The following MB21D2 variants were observed in gnomAD, a reference collection of about 807,000 sequenced individuals.
MB21D2 encodes the protein Mab-21 domain containing 2.
In MB21D2, 9 loss-of-function variants were observed where a neutral mutation model predicts 33.3. That is an observed-to-expected ratio of 0.27 (90% CI 0.16 to 0.47). MB21D2 has a LOEUF of 0.47. Among genes scored for constraint, MB21D2 ranks in the 20% least tolerant of loss-of-function variants. The pLI, the probability that MB21D2 is intolerant of heterozygous loss-of-function variation, is 0.99. For missense variants in MB21D2, 540 were observed against 624.6 expected (o/e 0.86, Z 1.44); for synonymous variants, 241 against 236.3 (o/e 1.02, Z -0.18).
rs570135340 is a variant in MB21D2, at chr3:192,912,605, A to G, written c.211+5025T>C. On this transcript the variant is annotated intron_variant, in intron 1 of 1. Coordinates refer to ENST00000392452, the MANE Select transcript of MB21D2 (RefSeq NM_178496.4). ...GGAGAATCACTTGAACCCAGGAGGC[A>G]GAGGTTGCAGTGAGCCAAGATCATG... Among the ~76,000 whole-genome samples the G allele has an allele frequency of 1.0e-3, 157 of 152,214 alleles. 1 individual carries two copies. Among genetic ancestry groups the G allele is most frequent in the African/African-American group, 3.6e-3 (149 of 41,538 alleles).
In MB21D2 at chr3:192,799,428, T is replaced by G; in HGVS notation, c.434A>C (p.His145Pro). The change falls in exon 2 of 2, where the codon CAC (histidine) becomes CCC (proline). Residue 145 changes from histidine to proline, a missense_variant. By Grantham distance (77) the His-to-Pro change is moderately conservative (BLOSUM62 -2). Transcript: ENST00000392452. The surrounding 1 kb of genome is among the most constrained non-coding windows in gnomAD (Gnocchi z 4.1). ...AAAGAGCCGAAGGCTCAGCCAAGAGTGGCACAAGGCTGAGTGGCGCATGTC... is the reference window on the plus strand; with the variant it reads ...AAAGAGCCGAAGGCTCAGCCAAGAGGGGCACAAGGCTGAGTGGCGCATGTC... Reference protein sequence around the residue: ...TLDMRHSALCHSWLSLRLFDE... With the variant: ...TLDMRHSALCPSWLSLRLFDE... 6.2e-7 allele frequency: 1 copy of G among 1,614,034 alleles called. No individual in the cohort carries two copies. The highest frequency in any genetic ancestry group is 8.5e-7 in the Non-Finnish European group (1 of 1,180,006).
chr3:192,801,607 C>G (rs1475987272), intron 1 of MB21D2, among the ~76,000 whole-genome samples: 3 of 152,126 alleles, frequency 2.0e-5, no homozygotes, highest in African/African-American at 7.2e-5. Context: ...TTCTTTACCC[C>G]TTCTGCCATG....
intron 1 of MB21D2, among the ~76,000 whole-genome samples, chr3:192,900,172 T>C (rs1480200619): frequency 1.3e-5 from 2 of 151,014 alleles, no homozygotes; most frequent in East Asian, 4.0e-4. Context: ...TAGTCCCAGC[T>C]ACTCAGGAGG....
intron 1 of MB21D2, among the ~76,000 whole-genome samples, chr3:192,846,500 G>C (rs113585757): frequency 4.3e-4 from 65 of 152,180 alleles, no homozygotes; most frequent in African/African-American, 1.5e-3. Flanking sequence ...GGCTCAATGT[G>C]TTCACATGTA....
chr3:192,864,973 G>C (rs1713139684), intron 1 of MB21D2, among the ~76,000 whole-genome samples: 1 of 152,146 alleles, frequency 6.6e-6, no homozygotes, highest in Admixed American at 6.5e-5. Context: ...ACTCACAGAT[G>C]AAAAACCAGA....
chr3:192,915,903 G>A (rs1560260739), intron 1 of MB21D2, among the ~76,000 whole-genome samples: 2 of 152,022 alleles, frequency 1.3e-5, no homozygotes, highest in African/African-American at 2.4e-5. Context: ...CATCAGAACT[G>A]ATCTGGGGGC....
At chr3:192,824,131 C>T (rs1712117844) in intron 1 of MB21D2, among the ~76,000 whole-genome samples, 2 of 152,184 alleles carry the variant, frequency 1.3e-5, no homozygotes, top group South Asian at 2.1e-4. Context: ...CCCCTTAAAA[C>T]CATGTTATCC....
rs78478147 is a variant in MB21D2, at chr3:192,813,822, C to T, written c.212-14172G>A. ...TTGTTGTAAGGTGGGAGAAAGGGCT[C>T]AAAATGTAAGGTGTGCTCTATTGGG... On this transcript the variant is annotated intron_variant, in intron 1 of 1. Coordinates refer to ENST00000392452, the MANE Select transcript of MB21D2 (RefSeq NM_178496.4). 6.0e-3 allele frequency among the ~76,000 whole-genome samples: 919 copies of T among 152,208 alleles called. 3 individuals carry two copies. Among genetic ancestry groups the T allele is most frequent in the Non-Finnish European group, 0.01 (702 of 68,012 alleles).
chr3:192,896,162 A>T (rs1713968777), intron 1 of MB21D2, among the ~76,000 whole-genome samples: 1 of 152,228 alleles, frequency 6.6e-6, no homozygotes, highest in Admixed American at 6.5e-5. Flanking sequence ...TTTTAAAAAA[A>T]CATGGCTATA....
intron 1 of MB21D2, among the ~76,000 whole-genome samples, chr3:192,836,494 T>C (rs1041845453): frequency 3.3e-5 from 5 of 151,938 alleles, no homozygotes; most frequent in African/African-American, 1.2e-4. Flanking sequence ...TTAGAGGGAG[T>C]CCTAATTCAA....
chr3:192,827,891 C>T (rs1029576429), intron 1 of MB21D2, among the ~76,000 whole-genome samples: 3 of 152,098 alleles, frequency 2.0e-5, no homozygotes, highest in Admixed American at 1.3e-4. Context: ...TAGCTCCCAT[C>T]ATTACCACCT....
At chr3:192,871,961 C>T (rs573981036) in intron 1 of MB21D2, among the ~76,000 whole-genome samples, 6 of 152,224 alleles carry the variant, frequency 3.9e-5, no homozygotes, top group East Asian at 1.9e-4. Context: ...GAAAAACCAC[C>T]GGTGCAGTAG....
At chr3:192,842,838 G>A (rs1188002498) in intron 1 of MB21D2, among the ~76,000 whole-genome samples, 1 of 152,204 alleles carries the variant, frequency 6.6e-6, no homozygotes, top group Non-Finnish European at 1.5e-5. Flanking sequence ...CACATCCACT[G>A]TGCATGTTAA....
intron 1 of MB21D2, among the ~76,000 whole-genome samples, chr3:192,863,768 G>C (rs1713104076): frequency 6.6e-6 from 1 of 152,162 alleles, no homozygotes; most frequent in South Asian, 2.1e-4. Context: ...TTCTGCACTT[G>C]AGACTTCAGA....
intron 1 of MB21D2, among the ~76,000 whole-genome samples, chr3:192,804,462 C>T (rs955772831): frequency 7.0e-6 from 1 of 143,280 alleles, no homozygotes; most frequent in Non-Finnish European, 1.5e-5. Flanking sequence ...CACACACACA[C>T]TTACATATGT....
intron 1 of MB21D2, among the ~76,000 whole-genome samples, chr3:192,914,494 A>G (rs1374097403): frequency 6.6e-6 from 1 of 152,238 alleles, no homozygotes; most frequent in Non-Finnish European, 1.5e-5. Context: ...AAGAGCTGGC[A>G]GAGACATTAT....
At chr3:192,805,250 C>T (rs1325128190) in intron 1 of MB21D2, among the ~76,000 whole-genome samples, 1 of 152,198 alleles carries the variant, frequency 6.6e-6, no homozygotes, top group Non-Finnish European at 1.5e-5. Context: ...TGACCATCCA[C>T]ATTTATCATA....
At chr3:192,842,238 G>C (rs887406483) in intron 1 of MB21D2, among the ~76,000 whole-genome samples, 1 of 152,198 alleles carries the variant, frequency 6.6e-6, no homozygotes, top group Non-Finnish European at 1.5e-5. Flanking sequence ...TGGGAAGTAC[G>C]GCAGGAACAT....
chr3:192,883,337 G>C (rs1434767803), intron 1 of MB21D2, among the ~76,000 whole-genome samples: 1 of 152,062 alleles, frequency 6.6e-6, no homozygotes, highest in African/African-American at 2.4e-5. Flanking sequence ...TATGAGTCAT[G>C]TTTAAAACTT....
Sources: allele counts gnomAD v4.1 joint callset (sites outside exome capture counted in the v4.1 genomes callset), GRCh38; gene constraint gnomAD v4.1.1; non-coding constraint Gnocchi (gnomAD v3.1); transcripts MANE v1.5; gene names NCBI Gene and HGNC (gene_info 2026-07-23, HGNC 2026-07-21).